Variants in ATP9B observed in about 807,000 individuals in gnomAD.
The protein encoded by ATP9B is probable phospholipid-transporting ATPase IIB.
A neutral mutation model predicts 146.1 loss-of-function variants in ATP9B; 110 were observed. The ratio of observed to expected loss-of-function variants is 0.75; its 90% confidence interval spans 0.65 to 0.88. The LOEUF is 0.88. Ranked by LOEUF, ATP9B falls within the 40% of genes least tolerant of loss-of-function variation. The probability of loss-of-function intolerance (pLI) is 0.00; values close to 1 mark genes in which losing one functional copy is unlikely to be tolerated. For synonymous variants in ATP9B, 604 were observed against 569.7 expected (o/e 1.06, Z -0.86); for missense variants, 1,499 against 1,496.4 (o/e 1.00, Z -0.03).
intron 26 of ATP9B, chr18:79,359,819 T>C (rs2096976926): frequency 8.1e-6 from 2 of 248,148 alleles, no homozygotes; most frequent in Admixed American, 9.1e-5. Flanking sequence ...GTAGAAAGGC[T>C]CCCCCGGACA....
chr18:79,189,426 CAG>C (rs1206577723), intron 8 of ATP9B, among the ~76,000 whole-genome samples: 2 of 152,086 alleles, frequency 1.3e-5, no homozygotes, highest in Non-Finnish European at 2.9e-5. Flanking sequence ...TTGAACAACA[CAG>C]GGGTCAATTG....
intron 5 of ATP9B, among the ~76,000 whole-genome samples, chr18:79,136,579 T>C (rs540766346): frequency 3.3e-5 from 5 of 152,368 alleles, no homozygotes; most frequent in Admixed American, 1.3e-4. Flanking sequence ...CAGTTATACC[T>C]GTATTAGACT....
chr18:79,110,571 A>T, intron 3 of ATP9B, 66 bp downstream of exon 3: 1 of 1,488,610 alleles, frequency 6.7e-7, no homozygotes, highest in Non-Finnish European at 9.0e-7. Context: ...TTGCTATAGG[A>T]TGGAGCCTGT....
intron 19 of ATP9B, among the ~76,000 whole-genome samples, chr18:79,341,084 C>T (rs1407599458): frequency 6.6e-6 from 1 of 152,258 alleles, no homozygotes; most frequent in African/African-American, 2.4e-5. Context: ...ACTGTGCTCT[C>T]GCTTGTTCCA....
At chr18:79,198,658 T>C (rs1311227906) in intron 9 of ATP9B, among the ~76,000 whole-genome samples, 1 of 152,218 alleles carries the variant, frequency 6.6e-6, no homozygotes, top group African/African-American at 2.4e-5. Flanking sequence ...TTTAATAATG[T>C]GGGCAGTTGT....
chr18:79,109,227 A>G (rs2075846026), intron 2 of ATP9B, among the ~76,000 whole-genome samples: 1 of 152,224 alleles, frequency 6.6e-6, no homozygotes, highest in Non-Finnish European at 1.5e-5. Flanking sequence ...GTCTTTCTCT[A>G]CATTTTGAAA....
At chr18:79,277,782 C>T (rs114516495) in intron 13 of ATP9B, among the ~76,000 whole-genome samples, 3,371 of 152,198 alleles carry the variant, frequency 0.022, 129 homozygotes, top group African/African-American at 0.076. Flanking sequence ...ATAAGGAAAG[C>T]CACATCTGAG....
intron 15 of ATP9B, among the ~76,000 whole-genome samples, chr18:79,328,018 G>A (rs901165397): frequency 3.6e-5 from 5 of 140,238 alleles, no homozygotes; most frequent in Non-Finnish European, 6.3e-5. Context: ...CGTGCTCTCC[G>A]TGGTTAGCGT....
Position 79,348,262 on chromosome 18 carries a change from A to C in ATP9B, c.2903+66A>C, listed in dbSNP as rs924834992. On this transcript the variant is annotated intron_variant, in intron 25 of 29. Transcript: ENST00000426216. ...ACTTCTATTTTGAAAAAAAAAAAAAAAAAAAAACAAAAAACGTATATAGAA... is the reference window on the plus strand; with the variant it reads ...ACTTCTATTTTGAAAAAAAAAAAAACAAAAAAACAAAAAACGTATATAGAA... The C allele has an allele frequency of 3.2e-4, 434 of 1,338,570 alleles. 20 individuals carry two copies. The highest frequency in any genetic ancestry group is 1.3e-3 in the Middle Eastern group (7 of 5,410). The allele number at this position is 1,338,570 out of a possible 1,614,324, so 82.9% of individuals were successfully genotyped here.
chr18:79,316,665 G>A (rs1053857999), intron 15 of ATP9B, among the ~76,000 whole-genome samples: 15 of 152,176 alleles, frequency 9.9e-5, no homozygotes, highest in African/African-American at 3.6e-4. Flanking sequence ...AGAGCACCTG[G>A]TACCCTCACC....
chr18:79,189,601 T>C (rs2095343260), intron 8 of ATP9B, among the ~76,000 whole-genome samples: 1 of 152,208 alleles, frequency 6.6e-6, no homozygotes. Context: ...GTCCTTACAA[T>C]AAGGTAAGCT....
At chr18:79,235,058 A>G (rs1351074441) in intron 11 of ATP9B, among the ~76,000 whole-genome samples, 1 of 152,108 alleles carries the variant, frequency 6.6e-6, no homozygotes, top group African/African-American at 2.4e-5. Context: ...TTTTTAATAG[A>G]GATGGGGTTT....
intron 11 of ATP9B, among the ~76,000 whole-genome samples, chr18:79,240,772 A>G (rs531110553): frequency 2.2e-4 from 34 of 152,366 alleles, no homozygotes; most frequent in Admixed American, 2.2e-3. Flanking sequence ...AAGAAGGTTC[A>G]ACCAGAGACA....
chr18:79,166,941 CA>C (rs2094975877), intron 7 of ATP9B, among the ~76,000 whole-genome samples: 1 of 146,092 alleles, frequency 6.8e-6, no homozygotes, highest in East Asian at 1.9e-4. Flanking sequence ...CACAGCCAGG[CA>C]TGCTGGCTGT....
intron 26 of ATP9B, chr18:79,360,931 G>A (rs1343607363): frequency 6.6e-6 from 1 of 152,204 alleles, no homozygotes; most frequent in Non-Finnish European, 1.5e-5. Flanking sequence ...AAAACTTCGG[G>A]AAGCTAGTGT....
intron 2 of ATP9B, among the ~76,000 whole-genome samples, chr18:79,105,544 G>A (rs988478184): frequency 1.3e-5 from 2 of 152,060 alleles, no homozygotes; most frequent in African/African-American, 4.8e-5. Flanking sequence ...ATCCCAACTT[G>A]GACACTTTGA....
intron 26 of ATP9B, chr18:79,372,551 C>A (rs1281287212): frequency 9.9e-6 from 6 of 603,510 alleles, no homozygotes; most frequent in African/African-American, 9.1e-5. Flanking sequence ...TCACTCCTGG[C>A]TTAGTAGAGC....
intron 7 of ATP9B, among the ~76,000 whole-genome samples, chr18:79,169,183 A>C (rs999006646): frequency 2.6e-5 from 4 of 152,074 alleles, no homozygotes; most frequent in Non-Finnish European, 5.9e-5. Context: ...GACTTTCCGT[A>C]TCTTCCAAGT....
intron 12 of ATP9B, among the ~76,000 whole-genome samples, chr18:79,260,668 A>G (rs745874445): frequency 2.7e-4 from 41 of 152,378 alleles, no homozygotes; most frequent in Non-Finnish European, 5.9e-4. Flanking sequence ...TTGGACTCCC[A>G]GAATCTTACA....
Sources: allele counts gnomAD v4.1 joint callset (sites outside exome capture counted in the v4.1 genomes callset), GRCh38; gene constraint gnomAD v4.1.1; transcripts MANE v1.5; gene names NCBI Gene and HGNC (gene_info 2026-07-23, HGNC 2026-07-21).